AK5: variants seen among roughly 807,000 people sequenced by gnomAD.
AK5 encodes the protein adenylate kinase 5, also known as adenylate kinase isoenzyme 5.
In AK5, 27 loss-of-function variants were observed where a neutral mutation model predicts 69.5. The observed-to-expected ratio is 0.39, with a 90% CI of 0.29 to 0.54. AK5 has a LOEUF of 0.54. AK5 is among the 20% of genes least tolerant of loss of function. AK5 has a pLI of 0.71. For missense variants in AK5, 531 were observed against 700.4 expected, an observed-to-expected ratio of 0.76 and a Z score of 2.73; for synonymous variants, 260 against 244.4, an observed-to-expected ratio of 1.06 and a Z score of -0.60.
intron 5 of AK5, among the ~76,000 whole-genome samples, chr1:77,326,497 A>G (rs1179012542): frequency 6.6e-6 from 1 of 152,042 alleles, no homozygotes; most frequent in Non-Finnish European, 1.5e-5. Context: ...ATCTTTAATA[A>G]TGACATTTTG....
intron 10 of AK5, among the ~76,000 whole-genome samples, chr1:77,516,647 G>C (rs1359188502): frequency 6.9e-6 from 1 of 144,928 alleles, no homozygotes; most frequent in Non-Finnish European, 1.5e-5. Flanking sequence ...GCCTGGAAAA[G>C]TCTGTGTGGG....
intron 8 of AK5, among the ~76,000 whole-genome samples, chr1:77,436,594 A>G (rs1292395103): frequency 6.6e-6 from 1 of 151,808 alleles, no homozygotes; most frequent in Non-Finnish European, 1.5e-5. Context: ...CTTATTTTGA[A>G]ATGACCCAGA....
At chr1:77,317,659 A>G (rs1660310710) in intron 5 of AK5, among the ~76,000 whole-genome samples, 1 of 152,100 alleles carries the variant, frequency 6.6e-6, no homozygotes, top group Admixed American at 6.5e-5. Flanking sequence ...TTCCACATCT[A>G]GTCTGTCTGT....
chr1:77,531,996 G>GGCCGGCC (rs1658649633), intron 12 of AK5: 3 of 138,990 alleles, frequency 2.2e-5, no homozygotes, highest in East Asian at 4.0e-4. Context: ...CCATCCGGCC[G>GGCCGGCC]GCCGGCCGGC....
intron 5 of AK5, among the ~76,000 whole-genome samples, chr1:77,321,808 C>G (rs1660549104): frequency 6.6e-6 from 1 of 151,962 alleles, no homozygotes; most frequent in Admixed American, 6.6e-5. Flanking sequence ...GAAAAAGAAA[C>G]AAAAGGCATA....
intron 2 of AK5, among the ~76,000 whole-genome samples, chr1:77,288,285 G>C (rs189970956): frequency 1.3e-5 from 2 of 152,226 alleles, no homozygotes; most frequent in African/African-American, 4.8e-5. Context: ...ATGAATTTGA[G>C]ACGTATAATA....
intron 6 of AK5, among the ~76,000 whole-genome samples, chr1:77,370,695 G>A (rs1185694700): frequency 6.6e-6 from 1 of 152,114 alleles, no homozygotes; most frequent in East Asian, 1.9e-4. Context: ...ACAGAGAGTG[G>A]AAGGAAAGAA....
At chr1:77,525,035 T>C (rs956096573) in intron 12 of AK5, among the ~76,000 whole-genome samples, 1 of 152,184 alleles carries the variant, frequency 6.6e-6, no homozygotes, top group African/African-American at 2.4e-5. Flanking sequence ...GCCTCCCAAG[T>C]AGCTGGGACT....
At chr1:77,349,095 C>T (rs1038075731) in intron 6 of AK5, among the ~76,000 whole-genome samples, 17 of 152,104 alleles carry the variant, frequency 1.1e-4, no homozygotes, top group African/African-American at 2.7e-4. Context: ...AAGGCTTGCC[C>T]GTCAGGAAAA....
At chr1:77,348,623 AT>A (rs1197245651) in intron 6 of AK5, among the ~76,000 whole-genome samples, 1 of 152,080 alleles carries the variant, frequency 6.6e-6, no homozygotes, top group Non-Finnish European at 1.5e-5. Context: ...TGTCTTTTTA[AT>A]TTTTTTAAAG....
chr1:77,297,452 C>A, intron 3 of AK5, 107 bp from the exon 4 acceptor site: 1 of 1,029,370 alleles, frequency 9.7e-7, no homozygotes, highest in Non-Finnish European at 1.4e-6. Context: ...TGTTAACCAC[C>A]CTGTCTTGGT....
chr1:77,346,575 C>T (rs1570417076), intron 6 of AK5, among the ~76,000 whole-genome samples: 1 of 152,284 alleles, frequency 6.6e-6, no homozygotes, highest in Middle Eastern at 3.4e-3. Context: ...CAGCTCACTG[C>T]AACCTCTGCC....
chr1:77,292,814 C>A (rs72677864), intron 2 of AK5, among the ~76,000 whole-genome samples: 5,868 of 152,264 alleles, frequency 0.039, 166 homozygotes, highest in South Asian at 0.1. Context: ...TCCTTTCTTA[C>A]CACTGCAGCC....
rs1330681932 is a variant in AK5, at chr1:77,411,121, A to G, written c.982+50A>G. The G allele has an allele frequency of 3.4e-6, 5 of 1,492,066 alleles. No individual in the cohort carries two copies. In the African/African-American group the frequency reaches 6.9e-5, roughly 21 times the overall value. The allele number at this position is 1,492,066 out of a possible 1,614,324, so 92.4% of individuals were successfully genotyped here. ...ACAGTACGCCGTGATCACCTGCCAA[A>G]TGTCTGGGGCTTTGTATTAATGGTT... On this transcript the variant is annotated intron_variant, in intron 7 of 13. Coordinates refer to ENST00000354567, the MANE Select transcript of AK5 (RefSeq NM_174858.3).
Position 77,483,455 on chromosome 1 carries a change from C to A in AK5, c.1102+96C>A, listed in dbSNP as rs2100723105. 4.1e-5 allele frequency: 40 copies of A among 978,096 alleles called. 1 individual carries two copies. In the South Asian group the frequency reaches 5.1e-4, roughly 13 times the overall value. 60.6% of individuals were successfully genotyped at this position (978,096 alleles called of 1,614,324 possible). ...ATCAACTTGAGAGAAAAAATATTAA[C>A]AGCATCACTTTTTCCTTGGCCAGGG... On this transcript the variant is annotated intron_variant, in intron 9 of 13. Transcript: ENST00000354567.
chr1:77,300,227 C>T (rs1048601749), intron 5 of AK5, among the ~76,000 whole-genome samples: 4 of 152,146 alleles, frequency 2.6e-5, no homozygotes, highest in South Asian at 4.2e-4. Flanking sequence ...AGCCTAGTCA[C>T]GGGTAACAGT....
intron 6 of AK5, among the ~76,000 whole-genome samples, chr1:77,367,978 C>T (rs1377864723): frequency 9.2e-6 from 1 of 108,160 alleles, no homozygotes; most frequent in African/African-American, 3.4e-5. Context: ...AGAGCCTTGG[C>T]ATTTCTGAAG....
chr1:77,494,572 C>T (rs1656184987), intron 10 of AK5, among the ~76,000 whole-genome samples: 1 of 152,128 alleles, frequency 6.6e-6, no homozygotes, highest in African/African-American at 2.4e-5. Context: ...GAGCGACTAA[C>T]AAGTTAACAC....
chr1:77,542,058 G>A (rs1312913059), intron 13 of AK5, among the ~76,000 whole-genome samples: 4 of 152,178 alleles, frequency 2.6e-5, no homozygotes, highest in African/African-American at 9.7e-5. Flanking sequence ...GCCAGGCACG[G>A]TGGCTCACAC....
Sources: gnomAD v4.1 joint callset for allele counts (sites outside exome capture counted in the v4.1 genomes callset) on GRCh38, gnomAD v4.1.1 for gene constraint, MANE v1.5 for transcripts, NCBI Gene and HGNC (gene_info 2026-07-23, HGNC 2026-07-21) for gene names.